The following COL5A2 variants were observed in gnomAD, a reference collection of about 807,000 sequenced individuals.
COL5A2 encodes collagen type V alpha 2 chain.
In COL5A2, 23 loss-of-function variants were observed where a neutral mutation model predicts 208.2. That is an observed-to-expected ratio of 0.11 (90% CI 0.08 to 0.16). The LOEUF (loss-of-function observed/expected upper bound fraction) is 0.16, where lower values mean the gene tolerates loss of function less well. Ranked by LOEUF, COL5A2 falls within the 10% of genes least tolerant of loss-of-function variation. The probability of loss-of-function intolerance (pLI) is 1.00; values close to 1 mark genes in which losing one functional copy is unlikely to be tolerated. For synonymous variants in COL5A2, 625 were observed against 628.5 expected, an observed-to-expected ratio of 0.99 and a Z score of 0.08; for missense variants, 1,590 against 1,956.4, an observed-to-expected ratio of 0.81 and a Z score of 3.53.
chr2:189,086,790 A>G lies in COL5A2; in HGVS notation c.646-20T>C. On this transcript the variant is annotated intron_variant, in intron 8 of 53. Transcript: ENST00000374866. Reference sequence around the variant, plus strand: ...AGGACCCTTAAAAACAAATGAGGAGAAACGTTGCAAAGTACTCATGACAAT... The same window carrying G: ...AGGACCCTTAAAAACAAATGAGGAGGAACGTTGCAAAGTACTCATGACAAT... 6.4e-7 allele frequency: 1 copy of G among 1,568,874 alleles called. No homozygotes were observed. The highest frequency in any genetic ancestry group is 8.7e-7 in the Non-Finnish European group (1 of 1,152,740).
At chr2:189,416,255 A>T in the COL5A2 span, among the ~76,000 whole-genome samples, 2 of 152,202 alleles carry the variant, frequency 1.3e-5, no homozygotes, top group Non-Finnish European at 2.9e-5. Flanking sequence ...TACAGACACA[A>T]GCACATGTAT....
chr2:189,436,869 G>A, the COL5A2 span, among the ~76,000 whole-genome samples: 1 of 152,122 alleles, frequency 6.6e-6, no homozygotes, highest in African/African-American at 2.4e-5. Flanking sequence ...CCGAGTGGAG[G>A]GAGAGCATCA....
chr2:189,087,179 T>C (rs1686681193), intron 8 of COL5A2, among the ~76,000 whole-genome samples: 1 of 152,210 alleles, frequency 6.6e-6, no homozygotes, highest in African/African-American at 2.4e-5. Flanking sequence ...CTTAAATAAG[T>C]TGAATTAAAG....
At chr2:189,050,742 A>G (rs1462891004) in intron 42 of COL5A2, 66 bp from the exon 43 acceptor site, 2 of 1,352,430 alleles carry the variant, frequency 1.5e-6, no homozygotes, top group African/African-American at 1.4e-5. Context: ...GGAATTTACA[A>G]TAAGTTGGGT....
chr2:189,357,658 G>A, the COL5A2 span, among the ~76,000 whole-genome samples: 1 of 151,878 alleles, frequency 6.6e-6, no homozygotes, highest in Non-Finnish European at 1.5e-5. Flanking sequence ...GGGCTCATGG[G>A]GGTGGGAACT....
chr2:189,039,049 C>T (rs1382249555), intron 51 of COL5A2, among the ~76,000 whole-genome samples: 1 of 152,046 alleles, frequency 6.6e-6, no homozygotes, highest in Non-Finnish European at 1.5e-5. Context: ...CTCACTATGG[C>T]TTTGATTTTC....
the COL5A2 span, among the ~76,000 whole-genome samples, chr2:189,292,678 T>C: frequency 1.4e-4 from 21 of 152,158 alleles, no homozygotes; most frequent in African/African-American, 5.1e-4. Flanking sequence ...AGCTGAACCA[T>C]TGTGGAAGTC....
At chr2:189,229,882 G>A (rs1689459873), upstream of COL5A2, among the ~76,000 whole-genome samples, 2 of 151,636 alleles carry the variant, frequency 1.3e-5, no homozygotes, top group South Asian at 4.1e-4. Flanking sequence ...ATAACTTTGG[G>A]AAAGAACAAA....
the COL5A2 span, among the ~76,000 whole-genome samples, chr2:189,344,763 A>G: frequency 4.6e-5 from 7 of 152,206 alleles, no homozygotes; most frequent in Non-Finnish European, 8.8e-5. Context: ...TTCCTAGGCA[A>G]TCAGGAATGT....
chr2:189,204,363 T>A (rs1461715901), intron 1 of COL5A2, among the ~76,000 whole-genome samples: 1 of 152,252 alleles, frequency 6.6e-6, no homozygotes, highest in African/African-American at 2.4e-5. Context: ...GCTAATTGAA[T>A]AATGACTAAA....
rs759631023 is a variant in COL5A2, at chr2:189,036,623, C to A, written c.4106G>T (p.Gly1369Val). ...GTAAACATATTAAATTACCTGAGAC[C>A]CTCTGTTCATATCAAGACCATACCA... ...PVWYGLDMNR[G>V]SQFAYGDHQS... Residue 1369 changes from glycine to valine, a missense_variant, in exon 52 of 54, where the codon GGG (glycine) becomes GTG (valine). Physicochemically the swap from Gly to Val is moderately radical, Grantham distance 109. Transcript: ENST00000374866. The A allele has an allele frequency of 6.2e-7, 1 of 1,611,280 alleles. No homozygotes were observed. The highest frequency in any genetic ancestry group is 1.3e-5 in the African/African-American group (1 of 74,706).
the COL5A2 span, among the ~76,000 whole-genome samples, chr2:189,336,447 A>G: frequency 6.6e-6 from 1 of 152,352 alleles, no homozygotes; most frequent in East Asian, 1.9e-4. Flanking sequence ...CTTATTTACA[A>G]TAGCCCAAAC....
At chr2:189,142,837 A>AT (rs911857091) in intron 1 of COL5A2, among the ~76,000 whole-genome samples, 19 of 147,722 alleles carry the variant, frequency 1.3e-4, no homozygotes, top group African/African-American at 2.5e-4. Context: ...GAATTGTGTC[A>AT]TTTTTTTTTT....
chr2:189,411,598 T>C, the COL5A2 span, among the ~76,000 whole-genome samples: 1 of 152,186 alleles, frequency 6.6e-6, no homozygotes, highest in African/African-American at 2.4e-5. Flanking sequence ...CATATCAATA[T>C]AGCATTTTAA....
At chr2:189,135,493 T>C (rs1249673937) in intron 1 of COL5A2, among the ~76,000 whole-genome samples, 1 of 152,164 alleles carries the variant, frequency 6.6e-6, no homozygotes, top group Non-Finnish European at 1.5e-5. Flanking sequence ...TACTTCTCTG[T>C]GTCATAAATA....
At chr2:189,156,634 C>T (rs972320563) in intron 1 of COL5A2, among the ~76,000 whole-genome samples, 1 of 152,118 alleles carries the variant, frequency 6.6e-6, no homozygotes, top group African/African-American at 2.4e-5. Context: ...TATTATCACA[C>T]ATTGATGCTT....
chr2:189,064,365 G>A (rs957543323), intron 25 of COL5A2, among the ~76,000 whole-genome samples, 192 bp downstream of exon 25: 3 of 151,998 alleles, frequency 2.0e-5, no homozygotes, highest in African/African-American at 4.8e-5. Context: ...AGAAGTTACC[G>A]TGTTTTCTAT....
At chr2:189,365,582 C>A in the COL5A2 span, among the ~76,000 whole-genome samples, 1 of 152,166 alleles carries the variant, frequency 6.6e-6, no homozygotes, top group Admixed American at 6.5e-5. Context: ...GAGACAATAA[C>A]ACTGGGCAAG....
the COL5A2 span, among the ~76,000 whole-genome samples, chr2:189,401,465 T>C: frequency 2.5e-4 from 38 of 152,348 alleles, no homozygotes; most frequent in South Asian, 2.5e-3. Flanking sequence ...CAGTCAATTA[T>C]TGATGGACAT....
Sources: allele counts gnomAD v4.1 joint callset (sites outside exome capture counted in the v4.1 genomes callset), GRCh38; gene constraint gnomAD v4.1.1; transcripts MANE v1.5; gene names NCBI Gene and HGNC (gene_info 2026-07-23, HGNC 2026-07-21).